ROBO2: variants seen among roughly 807,000 people sequenced by gnomAD.
ROBO2 encodes the protein roundabout homolog 2.
Under a neutral mutation model 160.8 loss-of-function variants are expected in ROBO2, and 53 were observed. That is an observed-to-expected ratio of 0.33 (90% confidence interval 0.26 to 0.41). The LOEUF (loss-of-function observed/expected upper bound fraction) is 0.41. Ranked by LOEUF, ROBO2 falls within the 10% of genes least tolerant of loss-of-function variation. The pLI is 1.00. For missense variants in ROBO2, 1,577 were observed against 1,722.4 expected (o/e 0.92, Z 1.49); for synonymous variants, 664 against 611.7 (o/e 1.09, Z -1.26).
At chr3:77,645,185 G>C (rs1487983242) in intron 25 of ROBO2, among the ~76,000 whole-genome samples, 2 of 152,074 alleles carry the variant, frequency 1.3e-5, no homozygotes, top group Non-Finnish European at 2.9e-5. Flanking sequence ...ATTAAATATA[G>C]AGTGTTTATC....
chr3:77,059,189 G>A (rs1360955967), intron 1 of ROBO2, among the ~76,000 whole-genome samples: 3 of 152,108 alleles, frequency 2.0e-5, no homozygotes, highest in African/African-American at 7.2e-5. Context: ...TATGTGAAGA[G>A]TGAGATCTGA....
chr3:77,522,614 A>T (rs565934116), intron 5 of ROBO2, among the ~76,000 whole-genome samples, 161 bp from the exon 6 acceptor site: 4 of 151,452 alleles, frequency 2.6e-5, no homozygotes, highest in African/African-American at 7.2e-5. Context: ...TTTATTAGCA[A>T]TATCTTTAAT....
At chr3:77,408,375 G>A (rs2076427526) in intron 2 of ROBO2, among the ~76,000 whole-genome samples, 6 of 151,962 alleles carry the variant, frequency 3.9e-5, no homozygotes, top group Admixed American at 3.3e-4. Context: ...TGAAATAAAA[G>A]CATGTGCTTT....
At chr3:76,329,816 A>G (rs368405962) in intron 2 of ROBO2, among the ~76,000 whole-genome samples, 25 of 152,214 alleles carry the variant, frequency 1.6e-4, no homozygotes, top group African/African-American at 5.8e-4. Flanking sequence ...CTTTGGAGAC[A>G]TTCTTTCAGA....
intron 2 of ROBO2, among the ~76,000 whole-genome samples, chr3:76,887,203 T>C (rs1396376059): frequency 7.2e-6 from 1 of 138,668 alleles, no homozygotes; most frequent in Non-Finnish European, 1.6e-5. Context: ...CATTTTTTTT[T>C]TTTTTTTTTT....
chr3:77,309,717 C>T (rs1428567798), intron 2 of ROBO2, among the ~76,000 whole-genome samples: 2 of 152,180 alleles, frequency 1.3e-5, no homozygotes, highest in Non-Finnish European at 1.5e-5. Context: ...TCCTTCTCTT[C>T]TTTAGAGACA....
intron 2 of ROBO2, among the ~76,000 whole-genome samples, chr3:76,727,666 C>T (rs1015875710): frequency 6.6e-6 from 1 of 152,000 alleles, no homozygotes; most frequent in Admixed American, 6.6e-5. Flanking sequence ...CGCAAGTTCT[C>T]ATTCATTTGT....
chr3:77,006,812 G>A (rs1298452925), intron 2 of ROBO2, among the ~76,000 whole-genome samples: 1 of 151,760 alleles, frequency 6.6e-6, no homozygotes, highest in Admixed American at 6.6e-5. Flanking sequence ...ATAAAAAATA[G>A]GAAAGAAAAT....
intron 2 of ROBO2, among the ~76,000 whole-genome samples, chr3:77,356,684 G>C (rs1044930914): frequency 6.6e-6 from 1 of 152,190 alleles, no homozygotes; most frequent in African/African-American, 2.4e-5. Context: ...ATTAGTAAAC[G>C]GTTAAAATAT....
intron 16 of ROBO2, among the ~76,000 whole-genome samples, chr3:77,584,330 C>T (rs968326665): frequency 3.9e-5 from 6 of 152,188 alleles, no homozygotes; most frequent in South Asian, 2.1e-4. Context: ...GGTAAAGCGC[C>T]GTTCATTCAA....
intron 2 of ROBO2, among the ~76,000 whole-genome samples, chr3:77,200,078 G>A (rs2082686132): frequency 1.3e-5 from 2 of 150,418 alleles, no homozygotes; most frequent in Admixed American, 6.6e-5. Flanking sequence ...ACTTTTAGAT[G>A]TATAAGTATG....
At chr3:76,692,074 G>A (rs1163920021) in intron 2 of ROBO2, among the ~76,000 whole-genome samples, 2 of 152,062 alleles carry the variant, frequency 1.3e-5, no homozygotes, top group African/African-American at 4.8e-5. Flanking sequence ...GAGGAATTGG[G>A]AGAAGAATGG....
intron 2 of ROBO2, among the ~76,000 whole-genome samples, chr3:76,532,853 G>T (rs2082301350): frequency 6.6e-6 from 1 of 151,930 alleles, no homozygotes; most frequent in Non-Finnish European, 1.5e-5. Flanking sequence ...AGAAGAGTGG[G>T]GTCACGTTTT....
chr3:76,880,903 C>G (rs2073271745), intron 2 of ROBO2, among the ~76,000 whole-genome samples: 1 of 152,078 alleles, frequency 6.6e-6, no homozygotes, highest in African/African-American at 2.4e-5. Context: ...TGGAAAGAAT[C>G]TTATTTTGTT....
intron 2 of ROBO2, among the ~76,000 whole-genome samples, chr3:77,127,120 G>A (rs529443503): frequency 2.0e-5 from 3 of 152,126 alleles, no homozygotes; most frequent in South Asian, 4.1e-4. Context: ...GAAAAACAAG[G>A]TAGAAATGTT....
chr3:76,289,216 T>C (rs1262879725), intron 2 of ROBO2, among the ~76,000 whole-genome samples: 1 of 152,226 alleles, frequency 6.6e-6, no homozygotes, highest in African/African-American at 2.4e-5. Flanking sequence ...TATCTCATTG[T>C]GGTTTTGATT....
chr3:77,317,147 TG>T, intron 2 of ROBO2: 1 of 1,070,998 alleles, frequency 9.3e-7, no homozygotes, highest in Non-Finnish European at 1.5e-6. Context: ...AAAACGCATC[TG>T]GTACCCAGCC....
chr3:76,354,659 G>A (rs189218695), intron 2 of ROBO2, among the ~76,000 whole-genome samples: 177 of 151,674 alleles, frequency 1.2e-3, no homozygotes, highest in South Asian at 4.6e-3. Context: ...ATGAATTTTC[G>A]GTGTCACAAA....
At chr3:77,038,519 G>A (rs2063768534), upstream of ROBO2, among the ~76,000 whole-genome samples, 1 of 152,062 alleles carries the variant, frequency 6.6e-6, no homozygotes, top group South Asian at 2.1e-4. Flanking sequence ...ACCAAACAAA[G>A]GCTCTTCCTC....
Sources: allele counts gnomAD v4.1 joint callset (sites outside exome capture counted in the v4.1 genomes callset), GRCh38; gene constraint gnomAD v4.1.1; transcripts MANE v1.5; gene names NCBI Gene and HGNC (gene_info 2026-07-23, HGNC 2026-07-21).